The following SPPL2B variants were observed in gnomAD, a reference collection of about 807,000 sequenced individuals.
SPPL2B encodes signal peptide peptidase like 2B.
In SPPL2B, 39 loss-of-function variants were observed where a neutral mutation model predicts 59.7. That is an observed-to-expected ratio of 0.65 (90% confidence interval 0.51 to 0.85). The LOEUF (loss-of-function observed/expected upper bound fraction) is 0.85. SPPL2B is among the 40% of genes least tolerant of loss of function. The pLI is 0.00. For missense variants in SPPL2B, 865 were observed against 849.0 expected, an observed-to-expected ratio of 1.02 and a Z score of -0.23; for synonymous variants, 419 against 370.8, an observed-to-expected ratio of 1.13 and a Z score of -1.49.
At position 2,354,774 on chromosome 19, in the gene SPPL2B, TCTGATCATTAAACACAG is replaced by T. The variant is rs1970095229; in HGVS notation, c.*1568_*1584del. 6.6e-6 allele frequency: 1 copy of T among 152,436 alleles called. No homozygotes were observed. Among genetic ancestry groups the T allele is most frequent in the South Asian group, 2.1e-4 (1 of 4,838 alleles). 9.4% of individuals were successfully genotyped at this position (152,436 alleles called of 1,614,324 possible). A position where few individuals can be genotyped will look rare whatever the true frequency, so the allele number is the denominator to read the frequency against. On this transcript the variant is annotated 3_prime_UTR_variant, in exon 15 of 15. Coordinates refer to ENST00000613503, the MANE Select transcript of SPPL2B (RefSeq NM_152988.3). ...TCCGTGTGGCCTTGCTGCCATTCCGTCTGATCATTAAACACAGCTTTTGATACATATGGCCCGGCCTC... is the reference window on the plus strand; with the variant it reads ...TCCGTGTGGCCTTGCTGCCATTCCGTCTTTTGATACATATGGCCCGGCCTC...
In SPPL2B at chr19:2,328,704, G is replaced by A; in HGVS notation, c.-6G>A. On this transcript the variant is annotated 5_prime_UTR_variant, in exon 1 of 15. Transcript: ENST00000613503. Reference sequence around the variant, plus strand: ...CTGCCGTTGGTTGCGGCGGGCACCGGCCGACATGGCGGCAGCGGTGGCGGC... The same window carrying A: ...CTGCCGTTGGTTGCGGCGGGCACCGACCGACATGGCGGCAGCGGTGGCGGC... The A allele has an allele frequency of 1.4e-6, 2 of 1,436,964 alleles. No individual in the cohort carries two copies. The highest frequency in any genetic ancestry group is 1.8e-6 in the Non-Finnish European group (2 of 1,105,368). 89.0% of individuals were successfully genotyped at this position (1,436,964 alleles called of 1,614,324 possible).
Position 2,354,373 on chromosome 19 carries a change from G to T in SPPL2B, c.*1164G>T. On this transcript the variant is annotated 3_prime_UTR_variant, in exon 15 of 15. Coordinates refer to ENST00000613503, the MANE Select transcript of SPPL2B (RefSeq NM_152988.3). ...TGCACGTGGTCACTTCCGAAGCAGC[G>T]CTCCCTGTGGCCGCAGAGACAGAGC... The T allele has an allele frequency of 6.6e-6, 1 of 152,414 alleles. No individual in the cohort carries two copies. The allele number at this position is 152,414 out of a possible 1,614,324, so 9.4% of individuals were successfully genotyped here.
chr19:2,351,622 G>C (rs368654241), intron 14 of SPPL2B, 28 bp downstream of exon 14: 3 of 1,590,120 alleles, frequency 1.9e-6, no homozygotes, highest in Non-Finnish European at 2.6e-6. Flanking sequence ...CTGACTGTGA[G>C]AAATACTCGC....
At chr19:2,340,407 C>T in intron 7 of SPPL2B, 1 of 630,558 alleles carries the variant, frequency 1.6e-6, no homozygotes, top group Non-Finnish European at 2.8e-6. Flanking sequence ...GCCCTTGTCC[C>T]CAGGAACCCT....
At chr19:2,335,717 G>T (rs1238529868) in intron 2 of SPPL2B, among the ~76,000 whole-genome samples, 6 of 146,932 alleles carry the variant, frequency 4.1e-5, no homozygotes, top group Admixed American at 2.7e-4. Flanking sequence ...CTTTCCCACC[G>T]CATCCCTCAG....
In SPPL2B at chr19:2,343,972, C is replaced by T. The variant is rs369237268; in HGVS notation, c.1046C>T (p.Thr349Met). ...CAGCCGTGGGCTTCGCAGGCCTGCA[C>T]GCTGCTGCTGCTGGTGCTGTTCCTC... ...TIRLPTFKAC[T>M]LLLLVLFLYD... Residue 349 changes from threonine to methionine, a missense_variant, in exon 10 of 15, where the codon ACG becomes ATG. Thr to Met is a moderately conservative substitution (Grantham distance 81). Coordinates refer to ENST00000613503, the MANE Select transcript of SPPL2B (RefSeq NM_152988.3). The T allele has an allele frequency of 1.5e-4, 229 of 1,548,038 alleles. No homozygotes were observed. The highest frequency in any genetic ancestry group is 2.6e-4 in the South Asian group (22 of 83,968).
At chr19:2,340,316 GC>G in intron 7 of SPPL2B, 144 bp downstream of exon 7, 1 of 703,928 alleles carries the variant, frequency 1.4e-6, no homozygotes. Context: ...GGGCTCCTAG[GC>G]CCAGGAGCAG....
chr19:2,344,322 C>T, intron 10 of SPPL2B, 40 bp from the exon 11 acceptor site: 2 of 1,293,564 alleles, frequency 1.5e-6, no homozygotes, highest in Non-Finnish European at 1.1e-6. Context: ...GCCCCCCCAC[C>T]CCATCACCAC....
At chr19:2,348,787 CCGTTCTCTCCCTCCACACACACTCG>C in intron 13 of SPPL2B, among the ~76,000 whole-genome samples, 1 of 141,878 alleles carries the variant, frequency 7.0e-6, no homozygotes, top group African/African-American at 2.6e-5. Flanking sequence ...TCGCTTGATT[CCGTTCTCTCCCTCCACACACACTCG>C]TGTTCTCATT....
intron 2 of SPPL2B, among the ~76,000 whole-genome samples, chr19:2,334,954 C>T (rs116167081): frequency 6.6e-6 from 1 of 152,226 alleles, no homozygotes; most frequent in African/African-American, 2.4e-5. Context: ...CGGCCGAGCT[C>T]CATGTGGTAG....
chr19:2,339,453 G>T (rs576226335), intron 5 of SPPL2B, among the ~76,000 whole-genome samples: 2 of 152,198 alleles, frequency 1.3e-5, no homozygotes, highest in African/African-American at 4.8e-5. Flanking sequence ...AGGTACGGGC[G>T]TGGCAGGTGC....
Position 2,339,210 on chromosome 19 carries a change from T to C in SPPL2B, c.599+2T>C. The C allele has an allele frequency of 2.5e-6, 4 of 1,602,038 alleles. No individual in the cohort carries two copies. The highest frequency in any genetic ancestry group is 3.4e-6 in the Non-Finnish European group (4 of 1,174,850). On this transcript the variant is annotated splice_donor_variant, in intron 5 of 14. Transcript: ENST00000613503. LOFTEE classifies it high-confidence loss of function. Reference sequence around the variant, plus strand: ...GGCCGGGAGTCGGGACGTGAAGAAGTGAGTTTCGCATCGTGCGTGTGCTGT... The same window carrying C: ...GGCCGGGAGTCGGGACGTGAAGAAGCGAGTTTCGCATCGTGCGTGTGCTGT...
intron 12 of SPPL2B, 46 bp downstream of exon 12, chr19:2,344,698 C>A (rs1202673438): frequency 7.8e-7 from 1 of 1,289,016 alleles, no homozygotes; most frequent in Non-Finnish European, 1.1e-6. Flanking sequence ...TGGGGCAGGG[C>A]CCCGGGCGGC....
In SPPL2B at chr19:2,343,423, G is replaced by C. The variant is rs530360519; in HGVS notation, c.1038+131G>C. ...TCACTGCCCTGGGGATGGCCGCCTAGGCCTGTTGTGAAGGGTGGGGCTTGA... is the reference window on the plus strand; with the variant it reads ...TCACTGCCCTGGGGATGGCCGCCTACGCCTGTTGTGAAGGGTGGGGCTTGA... On this transcript the variant is annotated intron_variant, in intron 9 of 14. Coordinates refer to ENST00000613503, the MANE Select transcript of SPPL2B (RefSeq NM_152988.3). 6 of 791,590 alleles carry C rather than the reference G, an allele frequency of 7.6e-6. 1 individual carries two copies. In the African/African-American group the frequency reaches 8.5e-5, roughly 11 times the overall value. 49.0% of individuals were successfully genotyped at this position (791,590 alleles called of 1,614,324 possible). A position where few individuals can be genotyped will look rare whatever the true frequency, so the allele number is the denominator to read the frequency against.
chr19:2,329,213 G>A (rs1002783421), intron 1 of SPPL2B, among the ~76,000 whole-genome samples: 4 of 152,226 alleles, frequency 2.6e-5, no homozygotes, highest in Non-Finnish European at 2.9e-5. Flanking sequence ...GGGGTGCGGT[G>A]GGGGAACCCA....
intron 4 of SPPL2B, 72 bp from the exon 5 acceptor site, chr19:2,338,997 C>T (rs1277194592): frequency 2.0e-6 from 3 of 1,514,638 alleles, no homozygotes; most frequent in Admixed American, 2.0e-5. Flanking sequence ...AGCCCCACAG[C>T]CCACAGCTGC....
At chr19:2,336,034 T>G (rs1026546249) in intron 2 of SPPL2B, among the ~76,000 whole-genome samples, 1 of 152,220 alleles carries the variant, frequency 6.6e-6, no homozygotes, top group Non-Finnish European at 1.5e-5. Flanking sequence ...AATAGGTATG[T>G]GTGAAGACAT....
intron 1 of SPPL2B, among the ~76,000 whole-genome samples, chr19:2,331,135 C>T (rs1336067537): frequency 6.6e-6 from 1 of 152,226 alleles, no homozygotes; most frequent in Non-Finnish European, 1.5e-5. Flanking sequence ...GGAGCCCGCT[C>T]CTCAGCAGAT....
chr19:2,351,469 C>T lies in SPPL2B; in HGVS notation c.1390C>T (p.Leu464=). 1 of 1,609,450 alleles carries T rather than the reference C, an allele frequency of 6.2e-7. No individual in the cohort carries two copies. The highest frequency in any genetic ancestry group is 8.5e-7 in the Non-Finnish European group (1 of 1,178,810). The change falls in exon 14 of 15, where the codon CTG becomes TTG. Residue 464 remains leucine, a synonymous_variant. Transcript: ENST00000613503. ...TGGCCTCCTTGTGACATTCGTGGCA[C>T]TGGCCCTGATGCAGCGTGGCCAGCC... The part of the protein sequence containing the change: ...GVGLLVTFVA[L]ALMQRGQPAL...
Sources: gnomAD v4.1 joint callset for allele counts (sites outside exome capture counted in the v4.1 genomes callset) on GRCh38, gnomAD v4.1.1 for gene constraint, MANE v1.5 for transcripts, NCBI Gene and HGNC (gene_info 2026-07-23, HGNC 2026-07-21) for gene names.